LYSMD2: variants seen among roughly 807,000 people sequenced by gnomAD.
The protein encoded by LYSMD2 is lysM and putative peptidoglycan-binding domain-containing protein 2.
A neutral mutation model predicts 17.7 loss-of-function variants in LYSMD2; 6 were observed. The observed-to-expected ratio is 0.34, with a 90% CI of 0.19 to 0.67. LYSMD2 has a LOEUF of 0.67. LYSMD2 is among the 30% of genes least tolerant of loss of function. The probability of loss-of-function intolerance (pLI) is 0.69; values close to 1 mark genes in which losing one functional copy is unlikely to be tolerated. For synonymous variants in LYSMD2, 102 were observed against 129.8 expected, an observed-to-expected ratio of 0.79 and a Z score of 1.45; for missense variants, 237 against 286.7, an observed-to-expected ratio of 0.83 and a Z score of 1.25.
At chr15:51,726,601 T>C (rs1338645138) in intron 1 of LYSMD2, among the ~76,000 whole-genome samples, 1 of 152,220 alleles carries the variant, frequency 6.6e-6, no homozygotes, top group African/African-American at 2.4e-5. Context: ...TGCTTTCTGC[T>C]GGAAGGAGAT....
chr15:51,744,516 T>C (rs188013604), intron 1 of LYSMD2, among the ~76,000 whole-genome samples: 1,997 of 152,292 alleles, frequency 0.013, 23 homozygotes, highest in Non-Finnish European at 0.02. Flanking sequence ...TGGTGTATAA[T>C]TCTTTTTATA....
At position 51,725,004 on chromosome 15, in the gene LYSMD2, T is replaced by C. The variant is rs1463432769; in HGVS notation, c.391A>G (p.Ile131Val). The C allele has an allele frequency of 3.7e-6, 6 of 1,614,016 alleles. No homozygotes were observed. Among genetic ancestry groups the C allele is most frequent in the African/African-American group, 2.7e-5 (2 of 74,930 alleles). ...KPLLFNGLNS[I>V]DSPENETADN... Reference sequence around the variant, plus strand: ...GCAGTTTCATTTTCTGGAGAATCAATGGAGTTAAGTCCATTAAACAACAAA... The same window carrying C: ...GCAGTTTCATTTTCTGGAGAATCAACGGAGTTAAGTCCATTAAACAACAAA... Residue 131 changes from isoleucine (I) to valine (V), a missense_variant, in exon 2 of 3, where the codon ATT becomes GTT. Physicochemically the swap from Ile to Val is conservative, Grantham distance 29. Transcript: ENST00000267838.
chr15:51,737,257 C>CCCCT lies in LYSMD2; in HGVS notation c.273+92_273+93insAGGG. 3.3e-5 allele frequency: 11 copies of CCCCT among 335,078 alleles called. No individual in the cohort carries two copies. The highest frequency in any genetic ancestry group is 8.3e-5 in the East Asian group (1 of 12,072). 20.8% of individuals were successfully genotyped at this position (335,078 alleles called of 1,614,324 possible). ...ACTCCCCATCCCCCAAACCCCCACC[C>CCCCT]GCAGTCCCACCCCCACCCCCACCGC... On this transcript the variant is annotated intron_variant, in intron 1 of 2. Coordinates refer to ENST00000267838, the MANE Select transcript of LYSMD2 (RefSeq NM_153374.3). The surrounding 1 kb of genome is among the most constrained non-coding windows in gnomAD (Gnocchi z 4.2).
At chr15:51,731,558 C>A (rs2055577087) in intron 1 of LYSMD2, among the ~76,000 whole-genome samples, 1 of 152,118 alleles carries the variant, frequency 6.6e-6, no homozygotes, top group East Asian at 1.9e-4. Flanking sequence ...AAGAGAAAAT[C>A]CTGGGAATAA....
In LYSMD2 at chr15:51,737,279, C is replaced by A; in HGVS notation, c.273+71G>T. ...ACCCGCAGTCCCACCCCCACCCCCA[C>A]CGCACCCCGAGCCGCACCGCCTCCT... is the stretch of plus-strand genomic sequence containing the variant. On this transcript the variant is annotated intron_variant, in intron 1 of 2. Transcript: ENST00000267838. The surrounding 1 kb of genome is among the most constrained non-coding windows in gnomAD (Gnocchi z 4.2). 1 of 1,166,014 alleles carries A rather than the reference C, an allele frequency of 8.6e-7. No individual in the cohort carries two copies. Among genetic ancestry groups the A allele is most frequent in the Non-Finnish European group, 1.1e-6 (1 of 914,828 alleles). The allele number at this position is 1,166,014 out of a possible 1,614,324, so 72.2% of individuals were successfully genotyped here. A position where few individuals can be genotyped will look rare whatever the true frequency, so the allele number is the denominator to read the frequency against.
intron 1 of LYSMD2, among the ~76,000 whole-genome samples, chr15:51,747,143 T>C (rs1460817536): frequency 6.6e-6 from 1 of 150,634 alleles, no homozygotes; most frequent in Non-Finnish European, 1.5e-5. Context: ...GAGGTTGCAG[T>C]GAGCCGAGAT....
chr15:51,732,266 T>A (rs1330497038), intron 1 of LYSMD2, among the ~76,000 whole-genome samples: 1 of 152,170 alleles, frequency 6.6e-6, no homozygotes, highest in African/African-American at 2.4e-5. Flanking sequence ...GCTAGCTACT[T>A]CATACCAGTC....
At chr15:51,727,986 A>G (rs1262683949) in intron 1 of LYSMD2, among the ~76,000 whole-genome samples, 1 of 152,186 alleles carries the variant, frequency 6.6e-6, no homozygotes, top group African/African-American at 2.4e-5. Context: ...ACTCAGAAGC[A>G]TGGGTTCAGG....
intron 1 of LYSMD2, 130 bp from the exon 2 acceptor site, chr15:51,725,251 T>C: frequency 1.7e-6 from 1 of 589,696 alleles, no homozygotes; most frequent in Admixed American, 3.5e-5. Context: ...TTGAGACTCT[T>C]CATTCAGGTT....
intron 1 of LYSMD2, among the ~76,000 whole-genome samples, chr15:51,749,069 G>C (rs1355340230): frequency 1.3e-5 from 2 of 152,158 alleles, no homozygotes; most frequent in African/African-American, 4.8e-5. Flanking sequence ...GTCCCTTCCA[G>C]CTCCAGGAGT....
At chr15:51,747,469 C>A (rs2055674064) in intron 1 of LYSMD2, among the ~76,000 whole-genome samples, 1 of 152,030 alleles carries the variant, frequency 6.6e-6, no homozygotes, top group African/African-American at 2.4e-5. Flanking sequence ...CCAGCCTGGG[C>A]AACAAGAGCA....
intron 1 of LYSMD2, among the ~76,000 whole-genome samples, chr15:51,727,254 C>T (rs1595848078): frequency 6.6e-6 from 1 of 152,164 alleles, no homozygotes; most frequent in Admixed American, 6.5e-5. Flanking sequence ...TTTTTAAGAA[C>T]GGCATTACCC....
Position 51,737,262 on chromosome 15 carries a change from T to TGGCCCCCCCCCCCCCCC in LYSMD2, c.273+87_273+88insGGGGGGGGGGGGGGGCC. Reference sequence around the variant, plus strand: ...CCATCCCCCAAACCCCCACCCGCAGTCCCACCCCCACCCCCACCGCACCCC... The same window carrying TGGCCCCCCCCCCCCCCC: ...CCATCCCCCAAACCCCCACCCGCAGTGGCCCCCCCCCCCCCCCCCCACCCCCACCCCCACCGCACCCC... On this transcript the variant is annotated intron_variant, in intron 1 of 2. Transcript: ENST00000267838. This position sits in a 1 kb window ranked among gnomAD's most constrained non-coding sequence, Gnocchi z 4.2. The TGGCCCCCCCCCCCCCCC allele has an allele frequency of 7.5e-6, 1 of 134,038 alleles. No homozygotes were observed. The highest frequency in any genetic ancestry group is 1.4e-5 in the Non-Finnish European group (1 of 70,570). The allele number at this position is 134,038 out of a possible 1,614,324, so 8.3% of individuals were successfully genotyped here.
At chr15:51,748,261 C>CAAAAAA (rs10556304) in intron 1 of LYSMD2, among the ~76,000 whole-genome samples, 4 of 60,222 alleles carry the variant, frequency 6.6e-5, no homozygotes, top group African/African-American at 1.9e-4. Context: ...GACTCCGTCT[C>CAAAAAA]AAAAAAAAAA....
At position 51,724,976 on chromosome 15, in the gene LYSMD2, T is replaced by G. The variant is rs370464149; in HGVS notation, c.419A>C (p.Asp140Ala). The G allele has an allele frequency of 2.5e-6, 4 of 1,614,166 alleles. No homozygotes were observed. The African/African-American group carries it at 5.3e-5, about 22-fold the overall frequency. Residue 140 changes from aspartate (D) to alanine (A), a missense_variant, in exon 2 of 3, where the codon GAT becomes GCT. By Grantham distance (126) the Asp-to-Ala change is moderately radical (BLOSUM62 -2). Coordinates refer to ENST00000267838, the MANE Select transcript of LYSMD2 (RefSeq NM_153374.3). ...SIDSPENETA[D>A]NSFSQEEEPV... ...CTCCTCTTCCTGAGAAAAACTGTTA[T>G]CAGCAGTTTCATTTTCTGGAGAATC...
Position 51,724,794 on chromosome 15 carries a change from T to C in LYSMD2, c.601A>G (p.Ser201Gly). 6.2e-7 allele frequency: 1 copy of C among 1,611,946 alleles called. No homozygotes were observed. Among genetic ancestry groups the C allele is most frequent in the Non-Finnish European group, 8.5e-7 (1 of 1,178,532 alleles). ...TTTGTACCAGGGTATTCTTACCTGC[T>C]CTCTTCTTTTAGCTTCTTGGCTGCC... is the stretch of plus-strand genomic sequence containing the variant. ...TQAAKKLKEE[S>G]RDEESPYATS... The change falls in exon 2 of 3, where the codon AGC (serine) becomes GGC (glycine). Residue 201 changes from serine to glycine, a missense_variant. Transcript: ENST00000267838.
chr15:51,744,298 A>C (rs1353406180), intron 1 of LYSMD2, among the ~76,000 whole-genome samples: 4 of 152,260 alleles, frequency 2.6e-5, no homozygotes, highest in Non-Finnish European at 5.9e-5. Context: ...TTCTTTATCA[A>C]ATTGAGGAAG....
upstream of LYSMD2, among the ~76,000 whole-genome samples, chr15:51,742,022 C>T (rs2055645354): frequency 6.6e-6 from 1 of 151,166 alleles, no homozygotes; most frequent in African/African-American, 2.4e-5. Flanking sequence ...GAAAGTTTGT[C>T]ATCACTCCAA....
intron 1 of LYSMD2, among the ~76,000 whole-genome samples, chr15:51,732,625 G>C (rs1314095699): frequency 6.6e-6 from 1 of 152,124 alleles, no homozygotes; most frequent in African/African-American, 2.4e-5. Flanking sequence ...GAAGAACTTG[G>C]GTCCATCAGG....
Sources: gnomAD v4.1 joint callset for allele counts (sites outside exome capture counted in the v4.1 genomes callset) on GRCh38, gnomAD v4.1.1 for gene constraint, Gnocchi (gnomAD v3.1) non-coding constraint, MANE v1.5 for transcripts, NCBI Gene and HGNC (gene_info 2026-07-23, HGNC 2026-07-21) for gene names.